The following STK32B variants were observed in gnomAD, a reference collection of about 807,000 sequenced individuals.
The protein encoded by STK32B is serine/threonine-protein kinase 32B.
Under a neutral mutation model 52.6 loss-of-function variants are expected in STK32B, and 43 were observed. The observed-to-expected ratio is 0.82, with a 90% CI of 0.64 to 1.05. The LOEUF (loss-of-function observed/expected upper bound fraction) is 1.05. Ranked by LOEUF, STK32B falls within the 50% of genes least tolerant of loss-of-function variation. The probability of loss-of-function intolerance (pLI) is 0.00; values close to 1 mark genes in which losing one functional copy is unlikely to be tolerated. For missense variants in STK32B, 621 were observed against 534.6 expected, an observed-to-expected ratio of 1.16 and a Z score of -1.59; for synonymous variants, 238 against 204.3, an observed-to-expected ratio of 1.17 and a Z score of -1.41.
chr4:5,373,315 A>G (rs938971871), intron 4 of STK32B, among the ~76,000 whole-genome samples: 39 of 152,364 alleles, frequency 2.6e-4, no homozygotes, highest in African/African-American at 9.1e-4. Flanking sequence ...AGTGGGAGCC[A>G]GCAGGTTCAA....
At chr4:5,030,387 T>C in the STK32B span, among the ~76,000 whole-genome samples, 2 of 152,228 alleles carry the variant, frequency 1.3e-5, no homozygotes, top group African/African-American at 2.4e-5. Context: ...GCATGGATAC[T>C]GAATGGAATA....
rs115173397 is a variant in STK32B at position 5,369,717 on chromosome 4, G to C, written c.435-28490G>C. Among the ~76,000 whole-genome samples the C allele has an allele frequency of 6.4e-3, 971 of 152,222 alleles. 5 individuals are homozygous for C. Among genetic ancestry groups the C allele is most frequent in the African/African-American group, 0.022 (923 of 41,528 alleles). On this transcript the variant is annotated intron_variant, in intron 4 of 11. Transcript: ENST00000282908. ...GGGGTGAGGGGTGAATGGTTGCCAG[G>C]CATCAGACCAATTGTGCCAAGATTT...
In STK32B at chr4:5,396,784, A is replaced by G. The variant is rs934247626; in HGVS notation, c.435-1423A>G. On this transcript the variant is annotated intron_variant, in intron 4 of 11. Coordinates refer to ENST00000282908, the MANE Select transcript of STK32B (RefSeq NM_018401.3). This position sits in a 1 kb window ranked among gnomAD's most constrained non-coding sequence, Gnocchi z 4.7. ...CTCTTTTCTCATCTTTTGTTGAGAA[A>G]CCCTGCTGGGAGCCACCCTGGGCAG... 5.9e-5 allele frequency among the ~76,000 whole-genome samples: 9 copies of G among 152,122 alleles called. No individual in the cohort carries two copies. The highest frequency in any genetic ancestry group is 2.1e-4 in the South Asian group (1 of 4,824).
intron 3 of STK32B, among the ~76,000 whole-genome samples, chr4:5,298,946 T>TG (rs1214838480): frequency 1.3e-5 from 2 of 152,100 alleles, no homozygotes; most frequent in African/African-American, 4.8e-5. Flanking sequence ...GGGAATCTCC[T>TG]GGTCTGTGGG....
intron 11 of STK32B, among the ~76,000 whole-genome samples, chr4:5,496,385 G>T (rs868211067): frequency 1.3e-5 from 2 of 152,216 alleles, no homozygotes; most frequent in Non-Finnish European, 2.9e-5. Flanking sequence ...TCCGAGCCAG[G>T]TGCGGGATAT....
chr4:5,234,245 C>T (rs1245407830), intron 3 of STK32B, among the ~76,000 whole-genome samples: 1 of 152,194 alleles, frequency 6.6e-6, no homozygotes, highest in Non-Finnish European at 1.5e-5. Flanking sequence ...AAGTTAGATA[C>T]TCTTACTGTT....
intron 1 of STK32B, among the ~76,000 whole-genome samples, chr4:5,108,589 C>G (rs1287362647): frequency 2.0e-5 from 3 of 152,164 alleles, no homozygotes; most frequent in African/African-American, 7.2e-5. Flanking sequence ...GCCATCAGAA[C>G]TTAAAGATTT....
rs546214641 is a variant in STK32B, at chr4:5,466,907, G to A, written c.1041+73G>A. Reference sequence around the variant, plus strand: ...AGGGAAATGACTGAGCCAGGCCACTGTTTAGCAAAAAGGGGACATTTCAAT... The same window carrying A: ...AGGGAAATGACTGAGCCAGGCCACTATTTAGCAAAAAGGGGACATTTCAAT... On this transcript the variant is annotated intron_variant, in intron 10 of 11. Transcript: ENST00000282908. 15 of 1,516,820 alleles carry A rather than the reference G, an allele frequency of 9.9e-6. No homozygotes were observed. The African/African-American group carries it at 1.4e-4, about 14-fold the overall frequency. 94.0% of individuals were successfully genotyped at this position (1,516,820 alleles called of 1,614,324 possible). A position where few individuals can be genotyped will look rare whatever the true frequency, so the allele number is the denominator to read the frequency against.
chr4:5,194,137 C>T (rs1178033653), intron 3 of STK32B, among the ~76,000 whole-genome samples: 1 of 152,194 alleles, frequency 6.6e-6, no homozygotes, highest in African/African-American at 2.4e-5. Context: ...CTTTTCATCT[C>T]TGATGTTAAT....
At chr4:5,140,499 A>T (rs1716358794) in intron 2 of STK32B, among the ~76,000 whole-genome samples, 1 of 152,008 alleles carries the variant, frequency 6.6e-6, no homozygotes, top group Non-Finnish European at 1.5e-5. Context: ...ATATTCTGTT[A>T]TGTTTTTTTC....
chr4:5,081,055 C>A (rs762471541), intron 1 of STK32B, among the ~76,000 whole-genome samples: 5 of 152,116 alleles, frequency 3.3e-5, no homozygotes, highest in African/African-American at 4.8e-5. Context: ...GAGTATTTGT[C>A]TTTCTGTGTC....
chr4:5,278,937 G>A (rs1283183343), intron 3 of STK32B, among the ~76,000 whole-genome samples: 1 of 152,012 alleles, frequency 6.6e-6, no homozygotes, highest in Non-Finnish European at 1.5e-5. Flanking sequence ...CAGCAAGAAG[G>A]AAATCTGCCC....
intron 1 of STK32B, among the ~76,000 whole-genome samples, chr4:5,128,687 G>A (rs1047336797): frequency 2.6e-5 from 4 of 152,186 alleles, no homozygotes; most frequent in Admixed American, 2.6e-4. Flanking sequence ...CAGGCACATG[G>A]GGAGTAAACA....
At chr4:5,168,167 G>A in intron 2 of STK32B, 132 bp from the exon 3 acceptor site, 1 of 1,210,890 alleles carries the variant, frequency 8.3e-7, no homozygotes. Flanking sequence ...ACTTAGCAGA[G>A]CTGCTCCCCT....
intron 4 of STK32B, among the ~76,000 whole-genome samples, chr4:5,333,876 T>C (rs538979734): frequency 6.6e-6 from 1 of 152,368 alleles, no homozygotes; most frequent in Admixed American, 6.5e-5. Context: ...TTGGTTACTG[T>C]AACCTTGTAG....
intron 3 of STK32B, among the ~76,000 whole-genome samples, chr4:5,226,444 TA>T (rs1261437556): frequency 1.3e-5 from 2 of 152,300 alleles, no homozygotes; most frequent in African/African-American, 4.8e-5. Flanking sequence ...ATTTCAGAAG[TA>T]AATGATTCAT....
intron 3 of STK32B, among the ~76,000 whole-genome samples, chr4:5,248,929 G>C (rs1437582137): frequency 1.3e-5 from 2 of 149,748 alleles, no homozygotes; most frequent in East Asian, 3.9e-4. Flanking sequence ...CTGTTGTGGG[G>C]TGGGGGGAGA....
At chr4:5,171,231 C>T (rs200396998) in intron 3 of STK32B, among the ~76,000 whole-genome samples, 31 of 151,988 alleles carry the variant, frequency 2.0e-4, no homozygotes, top group East Asian at 5.8e-4. Flanking sequence ...GAGTAGGTTG[C>T]GAAAATTTTC....
the STK32B span, among the ~76,000 whole-genome samples, chr4:5,043,288 T>C: frequency 6.6e-6 from 1 of 152,142 alleles, no homozygotes; most frequent in Non-Finnish European, 1.5e-5. Context: ...CAATAATACC[T>C]GGAAAATTTC....
Sources: gnomAD v4.1 joint callset for allele counts (sites outside exome capture counted in the v4.1 genomes callset) on GRCh38, gnomAD v4.1.1 for gene constraint, Gnocchi (gnomAD v3.1) non-coding constraint, MANE v1.5 for transcripts, NCBI Gene and HGNC (gene_info 2026-07-23, HGNC 2026-07-21) for gene names.